ANKH: variants seen among roughly 807,000 people sequenced by gnomAD.
The protein encoded by ANKH is ANKH inorganic pyrophosphate transport regulator.
A neutral mutation model predicts 49.0 loss-of-function variants in ANKH; 15 were observed. That is an observed-to-expected ratio of 0.31 (90% CI 0.20 to 0.47). The LOEUF is 0.47. Ranked by LOEUF, ANKH falls within the 20% of genes least tolerant of loss-of-function variation. ANKH has a pLI of 1.00. For missense variants in ANKH, 429 were observed against 652.0 expected, an observed-to-expected ratio of 0.66 and a Z score of 3.72; for synonymous variants, 273 against 260.0, an observed-to-expected ratio of 1.05 and a Z score of -0.48.
At chr5:14,848,291 A>T (rs920441089) in intron 1 of ANKH, among the ~76,000 whole-genome samples, 13 of 152,182 alleles carry the variant, frequency 8.5e-5, no homozygotes, top group Admixed American at 7.9e-4. Flanking sequence ...AGCTCACTAA[A>T]ATACCAATTA....
intron 1 of ANKH, among the ~76,000 whole-genome samples, chr5:14,847,060 T>C (rs1741984545): frequency 6.7e-6 from 1 of 150,296 alleles, no homozygotes. Context: ...AATGACCATC[T>C]TACAGGTTGC....
intron 1 of ANKH, among the ~76,000 whole-genome samples, chr5:14,771,836 C>A (rs1438642436): frequency 6.7e-6 from 1 of 150,070 alleles, no homozygotes; most frequent in Non-Finnish European, 1.5e-5. Context: ...GTCACTTGAA[C>A]CCGGGAGGTG....
chr5:14,800,797 G>A (rs1409087733), intron 1 of ANKH, among the ~76,000 whole-genome samples: 1 of 150,656 alleles, frequency 6.6e-6, no homozygotes, highest in South Asian at 2.1e-4. Flanking sequence ...TGTGAACATG[G>A]CTCACTGCAG....
chr5:14,757,431 T>TATATATATATATATA, intron 3 of ANKH, among the ~76,000 whole-genome samples: 1 of 106,736 alleles, frequency 9.4e-6, no homozygotes, highest in Middle Eastern at 5.4e-3. Flanking sequence ...TATATATATA[T>TATATATATATATATA]TTTTTTTTTT....
intron 2 of ANKH, among the ~76,000 whole-genome samples, 196 bp from the exon 3 acceptor site, chr5:14,758,794 G>T (rs1738984018): frequency 1.3e-5 from 2 of 152,182 alleles, no homozygotes; most frequent in Non-Finnish European, 2.9e-5. Flanking sequence ...AATGCTCTGG[G>T]TTCTAATCAC....
chr5:14,707,669 G>T lies in ANKH; in HGVS notation c.*3528C>A, dbSNP rs2126378834. On this transcript the variant is annotated 3_prime_UTR_variant, in exon 12 of 12. Transcript: ENST00000284268. ...CCCCCCACCCCCTGCACCTCCCAAG[G>T]TTATTTATTGGGAAGACTCAGAGAG... is the stretch of plus-strand genomic sequence containing the variant. The T allele has an allele frequency of 6.6e-6, 1 of 152,234 alleles. No individual in the cohort carries two copies. The highest frequency in any genetic ancestry group is 2.1e-4 in the South Asian group (1 of 4,824). The allele number at this position is 152,234 out of a possible 1,614,324, so 9.4% of individuals were successfully genotyped here. A position where few individuals can be genotyped will look rare whatever the true frequency, so the allele number is the denominator to read the frequency against.
intron 8 of ANKH, among the ~76,000 whole-genome samples, chr5:14,730,901 T>A (rs914839463): frequency 6.6e-6 from 1 of 152,172 alleles, no homozygotes; most frequent in African/African-American, 2.4e-5. Context: ...CCTGCCACTT[T>A]GCAATGGTGG....
At chr5:14,769,585 T>C (rs1739360410) in intron 1 of ANKH, among the ~76,000 whole-genome samples, 3 of 152,082 alleles carry the variant, frequency 2.0e-5, no homozygotes, top group African/African-American at 7.2e-5. Context: ...TAACAGTTTA[T>C]ATCAAGGGGA....
chr5:14,731,772 A>C (rs920916823), intron 8 of ANKH, among the ~76,000 whole-genome samples: 3 of 152,242 alleles, frequency 2.0e-5, no homozygotes, highest in Non-Finnish European at 4.4e-5. Flanking sequence ...CAAGCGGCTA[A>C]TTTAAAAAGC....
Position 14,713,594 on chromosome 5 carries a change from C to T in ANKH, c.1215G>A (p.Val405=). The change falls in exon 10 of 12, where the codon GTG becomes GTA. Residue 405 remains valine (V), a synonymous_variant. Transcript: ENST00000284268. The surrounding 1 kb of genome is among the most constrained non-coding windows in gnomAD (Gnocchi z 4.4). ...KKTFVLAPSS[V]LRIIVLIASL... ...TGGCGATGAGGACGATGATCCGCAG[C>T]ACAGAGCTGGGGGCAAGGACGAAGG... is the stretch of plus-strand genomic sequence containing the variant. 1 of 1,614,214 alleles carries T rather than the reference C, an allele frequency of 6.2e-7. No individual in the cohort carries two copies. Among genetic ancestry groups the T allele is most frequent in the Non-Finnish European group, 8.5e-7 (1 of 1,180,040 alleles).
rs1217072382 is a variant in ANKH, at chr5:14,795,632, T to C, written c.97-26441A>G. ...GGGAGGCAAAGGCAGGTGGATCACT[T>C]GAGGCCAGGAGTTTAAGACCAGCCT... On this transcript the variant is annotated intron_variant, in intron 1 of 11. Transcript: ENST00000284268. Among the ~76,000 whole-genome samples the C allele has an allele frequency of 3.3e-5, 5 of 152,310 alleles. No individual in the cohort carries two copies. In the East Asian group the frequency reaches 9.6e-4, roughly 29 times the overall value.
intron 1 of ANKH, among the ~76,000 whole-genome samples, chr5:14,778,733 C>T (rs1197223971): frequency 6.6e-6 from 1 of 152,214 alleles, no homozygotes; most frequent in South Asian, 2.1e-4. Flanking sequence ...TAACCCCACT[C>T]TTGCCAAAAC....
At chr5:14,834,234 G>GC (rs935442228) in intron 1 of ANKH, among the ~76,000 whole-genome samples, 1 of 89,628 alleles carries the variant, frequency 1.1e-5, no homozygotes, top group African/African-American at 5.0e-5. Flanking sequence ...TTTGACCTCA[G>GC]TTTCCCATCT....
intron 1 of ANKH, among the ~76,000 whole-genome samples, chr5:14,804,817 A>C (rs1202099481): frequency 6.6e-6 from 1 of 152,146 alleles, no homozygotes; most frequent in African/African-American, 2.4e-5. Flanking sequence ...CAGGCATAGG[A>C]TTTGGTTCTT....
intron 4 of ANKH, among the ~76,000 whole-genome samples, chr5:14,755,500 C>T (rs569113048): frequency 6.6e-5 from 10 of 152,268 alleles, no homozygotes; most frequent in Admixed American, 4.6e-4. Flanking sequence ...TGATAGGCCA[C>T]GCAGAGGGCA....
rs200072296 is a variant in ANKH at position 14,729,354 on chromosome 5, C to CT, written c.1011+12472dup. ...AGCTGTGTGCCACCACGCCCCACTA[C>CT]TTTTTTTTTATTTAGTAGAGACGGG... On this transcript the variant is annotated intron_variant, in intron 8 of 11. Transcript: ENST00000284268. 4.8e-3 allele frequency among the ~76,000 whole-genome samples: 725 copies of CT among 149,984 alleles called. 4 individuals are homozygous for CT. The highest frequency in any genetic ancestry group is 0.017 in the African/African-American group (681 of 40,806).
rs573662585 is a variant in ANKH at position 14,831,931 on chromosome 5, T to A, written c.96+39421A>T. Among the ~76,000 whole-genome samples the A allele has an allele frequency of 2.6e-5, 4 of 152,292 alleles. No individual in the cohort carries two copies. In the South Asian group the frequency reaches 8.3e-4, roughly 32 times the overall value. ...TGAATGAACTTTCAGGAACAAAGAC[T>A]AATAAATTACAAGACATACTTTGCT... On this transcript the variant is annotated intron_variant, in intron 1 of 11. Transcript: ENST00000284268.
intron 1 of ANKH, among the ~76,000 whole-genome samples, chr5:14,841,062 T>G (rs973517505): frequency 2.6e-5 from 4 of 152,156 alleles, no homozygotes; most frequent in African/African-American, 9.7e-5. Flanking sequence ...CTAATATGTA[T>G]GAGGATACTA....
chr5:14,759,850 A>G (rs7379176), intron 2 of ANKH, among the ~76,000 whole-genome samples: 3 of 65,862 alleles, frequency 4.6e-5, no homozygotes, highest in Admixed American at 3.6e-4. Flanking sequence ...GAAGGGAAGG[A>G]AAGGGAAGGA....
Sources: gnomAD v4.1 joint callset for allele counts (sites outside exome capture counted in the v4.1 genomes callset) on GRCh38, gnomAD v4.1.1 for gene constraint, Gnocchi (gnomAD v3.1) non-coding constraint, MANE v1.5 for transcripts, NCBI Gene and HGNC (gene_info 2026-07-23, HGNC 2026-07-21) for gene names.